RORA: variants seen among roughly 807,000 people sequenced by gnomAD.
RORA encodes nuclear receptor ROR-alpha.
Under a neutral mutation model 69.5 loss-of-function variants are expected in RORA, and 7 were observed. The observed-to-expected ratio is 0.10, with a 90% CI of 0.06 to 0.19. The LOEUF is 0.19. RORA is among the 10% of genes least tolerant of loss of function. The probability of loss-of-function intolerance (pLI) is 1.00; values close to 1 mark genes in which losing one functional copy is unlikely to be tolerated. For missense variants in RORA, 457 were observed against 663.0 expected (o/e 0.69, Z 3.41); for synonymous variants, 261 against 240.8 (o/e 1.08, Z -0.78).
chr15:61,202,878 T>C (rs1389336841), intron 1 of RORA, among the ~76,000 whole-genome samples: 1 of 152,192 alleles, frequency 6.6e-6, no homozygotes. Context: ...CACTACCCTG[T>C]GTTGCAGGAT....
intron 1 of RORA, among the ~76,000 whole-genome samples, chr15:60,818,546 T>C (rs765903342): frequency 1.3e-5 from 2 of 152,156 alleles, no homozygotes; most frequent in Admixed American, 6.5e-5. Context: ...TGCCCATTTA[T>C]AACCAGGATG....
intron 2 of RORA, among the ~76,000 whole-genome samples, chr15:60,591,218 C>A (rs1478463750): frequency 6.6e-6 from 1 of 152,212 alleles, no homozygotes; most frequent in East Asian, 1.9e-4. Context: ...GGCTCTAAAT[C>A]CCCAAGCCTG....
intron 2 of RORA, among the ~76,000 whole-genome samples, chr15:60,590,201 T>TCTCTC (rs530043189): frequency 2.5e-4 from 21 of 84,068 alleles, no homozygotes; most frequent in Non-Finnish European, 4.0e-4. Flanking sequence ...CTCTCTCTCT[T>TCTCTC]TCAGGCAGCT....
At chr15:61,142,649 A>G (rs1196789625) in intron 1 of RORA, among the ~76,000 whole-genome samples, 1 of 152,236 alleles carries the variant, frequency 6.6e-6, no homozygotes, top group Non-Finnish European at 1.5e-5. Context: ...CAATAATAGA[A>G]TAAGATACCA....
intron 3 of RORA, among the ~76,000 whole-genome samples, chr15:60,522,888 G>A (rs2066219040): frequency 6.6e-6 from 1 of 151,752 alleles, no homozygotes; most frequent in Non-Finnish European, 1.5e-5. Context: ...TGACCAACAT[G>A]GTGAAACCCT....
At chr15:61,211,726 CTACTTGAGTTGAAGATAAAGTCAGCCTAT>C (rs1023017596) in intron 1 of RORA, among the ~76,000 whole-genome samples, 18 of 152,230 alleles carry the variant, frequency 1.2e-4, no homozygotes, top group African/African-American at 1.7e-4. Context: ...TCCCGCCACA[CTACTTGAGTTGAAGATAAAGTCAGCCTAT>C]TTGGATCCGA....
chr15:60,515,291 C>G (rs547414715), intron 3 of RORA, among the ~76,000 whole-genome samples: 1 of 152,306 alleles, frequency 6.6e-6, no homozygotes, highest in East Asian at 1.9e-4. Flanking sequence ...TCTGCTATCG[C>G]AAGCATTAGA....
intron 2 of RORA, among the ~76,000 whole-genome samples, chr15:60,642,491 G>C (rs2069961298): frequency 6.6e-6 from 1 of 152,190 alleles, no homozygotes; most frequent in Non-Finnish European, 1.5e-5. Flanking sequence ...TTTTCTGGAT[G>C]TTAAAATTTC....
intron 1 of RORA, among the ~76,000 whole-genome samples, chr15:60,869,429 G>A (rs1188052628): frequency 2.6e-5 from 4 of 152,170 alleles, no homozygotes; most frequent in Non-Finnish European, 5.9e-5. Context: ...ACAGGAGAAG[G>A]AAAGGTGGTC....
intron 1 of RORA, among the ~76,000 whole-genome samples, chr15:61,003,888 G>A (rs965650437): frequency 6.6e-6 from 1 of 152,156 alleles, no homozygotes; most frequent in African/African-American, 2.4e-5. Context: ...CTGGAACAGG[G>A]AGAACGAGTA....
At chr15:61,170,888 G>T (rs577222016) in intron 1 of RORA, among the ~76,000 whole-genome samples, 1 of 152,080 alleles carries the variant, frequency 6.6e-6, no homozygotes. Context: ...CTCACTCTTC[G>T]TTTTAAAAAC....
At chr15:60,632,319 G>C (rs973576580) in intron 2 of RORA, among the ~76,000 whole-genome samples, 1 of 151,974 alleles carries the variant, frequency 6.6e-6, no homozygotes, top group Non-Finnish European at 1.5e-5. Context: ...GTGTTAGCCA[G>C]GATGGTCTCG....
At chr15:60,595,032 G>GT (rs34882972) in intron 2 of RORA, among the ~76,000 whole-genome samples, 72 of 141,258 alleles carry the variant, frequency 5.1e-4, no homozygotes, top group Middle Eastern at 3.6e-3. Flanking sequence ...ACTATAGGCT[G>GT]TTTTTTTTTT....
intron 1 of RORA, among the ~76,000 whole-genome samples, chr15:60,894,164 G>A (rs1301078824): frequency 6.6e-6 from 1 of 152,198 alleles, no homozygotes; most frequent in Non-Finnish European, 1.5e-5. Context: ...CCTGTGAAGA[G>A]CCCTCACCGC....
intron 1 of RORA, among the ~76,000 whole-genome samples, chr15:60,878,119 G>C (rs187915671): frequency 7.1e-6 from 1 of 139,924 alleles, no homozygotes; most frequent in Admixed American, 7.9e-5. Context: ...GAGGTCAGGA[G>C]ATCGATGCCA....
chr15:60,632,625 C>T (rs980469294), intron 2 of RORA, among the ~76,000 whole-genome samples: 5 of 152,140 alleles, frequency 3.3e-5, no homozygotes. Flanking sequence ...CCCCTTGCTT[C>T]ATTCTTTTCT....
At chr15:60,563,768 C>T (rs1228514446) in intron 2 of RORA, among the ~76,000 whole-genome samples, 1 of 151,996 alleles carries the variant, frequency 6.6e-6, no homozygotes, top group African/African-American at 2.4e-5. Context: ...CATTGTTTAT[C>T]AGAGGACACA....
chr15:60,509,114 C>T (rs543565419), intron 5 of RORA, among the ~76,000 whole-genome samples: 1 of 152,266 alleles, frequency 6.6e-6, no homozygotes, highest in East Asian at 1.9e-4. Context: ...AAAGAGATAG[C>T]AGGCTTTAAG....
intron 1 of RORA, among the ~76,000 whole-genome samples, chr15:60,996,779 A>G (rs7180109): frequency 0.34 from 35,837 of 105,272 alleles, 5,305 homozygotes; most frequent in African/African-American, 0.48. Context: ...GAGTGGTGGC[A>G]GGCGCCTGTA....
Sources: gnomAD v4.1 joint callset for allele counts (sites outside exome capture counted in the v4.1 genomes callset) on GRCh38, gnomAD v4.1.1 for gene constraint, MANE v1.5 for transcripts, NCBI Gene and HGNC (gene_info 2026-07-23, HGNC 2026-07-21) for gene names.